Variants in LPP observed in about 807,000 individuals in gnomAD.
The protein encoded by LPP is lipoma-preferred partner.
In LPP, 38 loss-of-function variants were observed where a neutral mutation model predicts 60.4. That is an observed-to-expected ratio of 0.63 (90% CI 0.49 to 0.83). The LOEUF (loss-of-function observed/expected upper bound fraction) is 0.83. LPP is among the 40% of genes least tolerant of loss of function. LPP has a pLI of 0.00. For missense variants in LPP, 902 were observed against 783.6 expected, an observed-to-expected ratio of 1.15 and a Z score of -1.80; for synonymous variants, 328 against 290.8, an observed-to-expected ratio of 1.13 and a Z score of -1.30.
intron 7 of LPP, among the ~76,000 whole-genome samples, chr3:188,645,256 T>C (rs1241426177): frequency 6.6e-6 from 1 of 152,120 alleles, no homozygotes; most frequent in Non-Finnish European, 1.5e-5. Context: ...AACTTTTTTT[T>C]TTTTTCCTTA....
intron 2 of LPP, among the ~76,000 whole-genome samples, chr3:188,318,115 A>G (rs1162089453): frequency 2.0e-5 from 3 of 152,336 alleles, no homozygotes; most frequent in East Asian, 3.9e-4. Context: ...AAAGCTCCTC[A>G]GGGTCAGGAA....
chr3:188,663,581 A>G (rs1855082095), intron 7 of LPP, among the ~76,000 whole-genome samples: 1 of 152,176 alleles, frequency 6.6e-6, no homozygotes. Context: ...CATGATATAT[A>G]TTATGCATAT....
At chr3:188,583,736 T>C (rs1412341264) in intron 6 of LPP, among the ~76,000 whole-genome samples, 1 of 152,216 alleles carries the variant, frequency 6.6e-6, no homozygotes, top group Non-Finnish European at 1.5e-5. Flanking sequence ...TGAATGTTTA[T>C]AGTGTGACTG....
intron 8 of LPP, among the ~76,000 whole-genome samples, chr3:188,735,113 C>T (rs548083547): frequency 1.4e-4 from 22 of 152,168 alleles, no homozygotes; most frequent in African/African-American, 5.1e-4. Flanking sequence ...CTGGTTAAGC[C>T]GGATCTGCCT....
intron 9 of LPP, among the ~76,000 whole-genome samples, chr3:188,777,673 G>A (rs1261743094): frequency 6.6e-6 from 1 of 152,004 alleles, no homozygotes; most frequent in African/African-American, 2.4e-5. Flanking sequence ...TGCATCCCCC[G>A]AGGCTCCTTG....
chr3:188,467,892 T>C (rs558091443), intron 4 of LPP, among the ~76,000 whole-genome samples: 45 of 152,278 alleles, frequency 3.0e-4, no homozygotes, highest in African/African-American at 1.1e-3. Context: ...TGATTTCTGA[T>C]TTATAGAACA....
intron 7 of LPP, among the ~76,000 whole-genome samples, chr3:188,628,281 A>G (rs886258645): frequency 4.6e-5 from 7 of 152,120 alleles, no homozygotes; most frequent in African/African-American, 1.7e-4. Flanking sequence ...CTGATATGAA[A>G]ACCATACAAA....
intron 2 of LPP, among the ~76,000 whole-genome samples, chr3:188,339,500 G>A (rs2150627094): frequency 6.6e-6 from 1 of 152,316 alleles, no homozygotes; most frequent in Admixed American, 6.5e-5. Context: ...GTTCCACATT[G>A]CTGGGGAGGC....
chr3:188,362,173 T>C (rs796316774), intron 3 of LPP, among the ~76,000 whole-genome samples: 103 of 152,284 alleles, frequency 6.8e-4, no homozygotes, highest in African/African-American at 2.3e-3. Flanking sequence ...ACTAAAAGGA[T>C]GTCCGCAAAT....
In LPP at chr3:188,486,730, A is replaced by G. The variant is rs116431284; in HGVS notation, c.306+2026A>G. Among the ~76,000 whole-genome samples the G allele has an allele frequency of 2.3e-3, 355 of 152,340 alleles. 2 individuals are homozygous for G. Among genetic ancestry groups the G allele is most frequent in the African/African-American group, 8.2e-3 (341 of 41,568 alleles). ...GCTATTGAAAAATATGTGTATTGCA[A>G]ATATAGGCCATGAATTTCTTGCATT... On this transcript the variant is annotated intron_variant, in intron 5 of 11. Coordinates refer to ENST00000617246, the MANE Select transcript of LPP (RefSeq NM_001375462.1).
At chr3:188,467,953 TG>T (rs1800880511) in intron 4 of LPP, among the ~76,000 whole-genome samples, 1 of 152,190 alleles carries the variant, frequency 6.6e-6, no homozygotes, top group Non-Finnish European at 1.5e-5. Flanking sequence ...TGTGGTACTT[TG>T]TTGTAGTAAC....
At position 188,755,686 on chromosome 3, in the gene LPP, G is replaced by C. The variant is rs545186795; in HGVS notation, c.1241-4427G>C. On this transcript the variant is annotated intron_variant, in intron 8 of 11. Coordinates refer to ENST00000617246, the MANE Select transcript of LPP (RefSeq NM_001375462.1). Reference sequence around the variant, plus strand: ...CTGGGCTTGGTGGCGTGTGCCTATAGTCCCAGCTACTGGTGGCAAGGGCTG... The same window carrying C: ...CTGGGCTTGGTGGCGTGTGCCTATACTCCCAGCTACTGGTGGCAAGGGCTG... Among the ~76,000 whole-genome samples, 5 of 151,496 alleles carry C rather than the reference G, an allele frequency of 3.3e-5. No individual in the cohort carries two copies. In the South Asian group the frequency reaches 8.4e-4, roughly 25 times the overall value.
chr3:188,718,501 A>G (rs984243992), intron 8 of LPP, among the ~76,000 whole-genome samples: 5 of 152,230 alleles, frequency 3.3e-5, no homozygotes, highest in African/African-American at 9.6e-5. Context: ...CAAAAGAACC[A>G]AAGTTTTCTT....
intron 9 of LPP, among the ~76,000 whole-genome samples, chr3:188,832,149 T>C (rs1400139619): frequency 1.3e-5 from 2 of 152,150 alleles, no homozygotes; most frequent in African/African-American, 2.4e-5. Context: ...TTCTAATCAA[T>C]AGAAGAAGGC....
In LPP at chr3:188,203,018, G is replaced by A. The variant is rs1046260871; in HGVS notation, c.-189-22387G>A. Among the ~76,000 whole-genome samples, 10 of 147,572 alleles carry A rather than the reference G, an allele frequency of 6.8e-5. No homozygotes were observed. In the South Asian group the frequency reaches 1.1e-3, roughly 16 times the overall value. On this transcript the variant is annotated intron_variant, in intron 1 of 11. Coordinates refer to ENST00000617246, the MANE Select transcript of LPP (RefSeq NM_001375462.1). Reference sequence around the variant, plus strand: ...ATATATATTTGCTGGCAAAAAGAAGGAAAGAGAAACAATTTATATGTTTTT... The same window carrying A: ...ATATATATTTGCTGGCAAAAAGAAGAAAAGAGAAACAATTTATATGTTTTT...
At chr3:188,458,626 A>G (rs899275510) in intron 4 of LPP, among the ~76,000 whole-genome samples, 4 of 152,078 alleles carry the variant, frequency 2.6e-5, no homozygotes, top group African/African-American at 9.7e-5. Flanking sequence ...CCTTTCCCTC[A>G]CCCTGGATTA....
chr3:188,708,338 C>G lies in LPP; in HGVS notation c.1185C>G (p.His395Gln), dbSNP rs1865889879. The G allele has an allele frequency of 3.7e-6, 6 of 1,614,128 alleles. No homozygotes were observed. In the East Asian group the frequency reaches 1.3e-4, roughly 36 times the overall value. The change falls in exon 8 of 12, where the codon CAC becomes CAG. Residue 395 changes from histidine (H) to glutamine (Q), a missense_variant. By Grantham distance (24) the His-to-Gln change is conservative (BLOSUM62 0). Coordinates refer to ENST00000617246, the MANE Select transcript of LPP (RefSeq NM_001375462.1). ...TCCGCCCAGAGGATGAGCTTGAGCA[C>G]CTGACCAAAAAGATGCTGTATGACA... ...PSFRPEDELEHLTKKMLYDME... is the reference protein window; with the variant it reads ...PSFRPEDELEQLTKKMLYDME...
intron 5 of LPP, among the ~76,000 whole-genome samples, chr3:188,495,082 A>ATATATATATATATATATATATATATTTTT (rs1342207321): frequency 1.0e-5 from 1 of 97,270 alleles, no homozygotes; most frequent in African/African-American, 4.0e-5. Flanking sequence ...ATATATATAT[A>ATATATATATATATATATATATATATTTTT]TTTTATTTAT....
chr3:188,209,666 G>A (rs1303518231), intron 1 of LPP, among the ~76,000 whole-genome samples: 1 of 152,182 alleles, frequency 6.6e-6, no homozygotes, highest in Non-Finnish European at 1.5e-5. Context: ...TCTTGGAATG[G>A]GATCTGCATC....
Sources: allele counts gnomAD v4.1 joint callset (sites outside exome capture counted in the v4.1 genomes callset), GRCh38; gene constraint gnomAD v4.1.1; transcripts MANE v1.5; gene names NCBI Gene and HGNC (gene_info 2026-07-23, HGNC 2026-07-21).